The following RTL4 variants were observed in gnomAD, a reference collection of about 807,000 sequenced individuals.
RTL4 encodes the protein retrotransposon Gag-like protein 4.
In RTL4, 4 loss-of-function variants were observed where a neutral mutation model predicts 5.3. That is an observed-to-expected ratio of 0.75 (90% CI 0.37 to 1.72). RTL4 has a LOEUF of 1.72. RTL4 is among the 40% of genes most tolerant of loss of function. The probability of loss-of-function intolerance (pLI) is 0.04; values close to 1 mark genes in which losing one functional copy is unlikely to be tolerated. For missense variants in RTL4, 260 were observed against 227.1 expected (o/e 1.14, Z -0.93); for synonymous variants, 98 against 87.3 (o/e 1.12, Z -0.68).
At chrX:112,170,223 G>T in the RTL4 span, among the ~76,000 whole-genome samples, 10 of 112,227 alleles carry the variant, frequency 8.9e-5, no homozygotes, top group African/African-American at 3.2e-4. Context: ...TTGTGTTTAA[G>T]ATTGTCTTGG....
the RTL4 span, among the ~76,000 whole-genome samples, chrX:112,113,677 T>C: frequency 8.9e-6 from 1 of 111,745 alleles, no homozygotes; most frequent in Admixed American, 9.5e-5. Flanking sequence ...CAGAGAACCT[T>C]TGTCTTCTGG....
At chrX:112,187,648 G>A in the RTL4 span, among the ~76,000 whole-genome samples, 1 of 111,574 alleles carries the variant, frequency 9.0e-6, no homozygotes, top group East Asian at 2.8e-4. Context: ...CCATGCATGG[G>A]GCATAGTAAC....
the RTL4 span, among the ~76,000 whole-genome samples, chrX:112,337,714 G>A: frequency 9.0e-6 from 1 of 111,305 alleles, no homozygotes; most frequent in Admixed American, 9.6e-5. Flanking sequence ...TATTCAGTTT[G>A]TTCTGCCTTA....
the RTL4 span, among the ~76,000 whole-genome samples, chrX:112,165,637 CT>C: frequency 1.8e-5 from 2 of 111,789 alleles, no homozygotes; most frequent in East Asian, 5.7e-4. Context: ...ATATTTTTGA[CT>C]CTAATATATT....
At chrX:112,168,546 A>T in the RTL4 span, among the ~76,000 whole-genome samples, 1 of 111,530 alleles carries the variant, frequency 9.0e-6, no homozygotes, top group Non-Finnish European at 1.9e-5. Context: ...AACCCACCAA[A>T]ACCAAGATGG....
At chrX:112,333,920 T>C in the RTL4 span, among the ~76,000 whole-genome samples, 1 of 110,120 alleles carries the variant, frequency 9.1e-6, no homozygotes, top group Non-Finnish European at 1.9e-5. Flanking sequence ...TTGTACCCAT[T>C]AACCATCCCC....
chrX:112,234,516 C>T, the RTL4 span, among the ~76,000 whole-genome samples: 2 of 111,675 alleles, frequency 1.8e-5, no homozygotes, highest in African/African-American at 6.5e-5. Context: ...CTAGGAGCCC[C>T]TGGCTTTGGG....
chrX:112,159,218 CAG>C, the RTL4 span, among the ~76,000 whole-genome samples: 2 of 112,243 alleles, frequency 1.8e-5, no homozygotes, highest in Non-Finnish European at 3.8e-5. Flanking sequence ...ATTTTGAAAA[CAG>C]AGGTATAAAG....
the RTL4 span, among the ~76,000 whole-genome samples, chrX:112,362,272 A>G: frequency 8.9e-6 from 1 of 111,906 alleles, no homozygotes; most frequent in Non-Finnish European, 1.9e-5. Flanking sequence ...ATGAACAAGA[A>G]AGGTGTGTTT....
At chrX:112,278,341 A>G in the RTL4 span, among the ~76,000 whole-genome samples, 1 of 112,281 alleles carries the variant, frequency 8.9e-6, no homozygotes, top group Non-Finnish European at 1.9e-5. Flanking sequence ...TTTCTAAAAC[A>G]TTGGCAGTCA....
chrX:112,438,094 G>T, the RTL4 span, among the ~76,000 whole-genome samples: 2,035 of 111,176 alleles, frequency 0.018, 42 homozygotes, highest in Non-Finnish European at 0.028. Context: ...ACCAACATTT[G>T]TTTTCTCACA....
At chrX:112,220,812 G>T in the RTL4 span, among the ~76,000 whole-genome samples, 27 of 111,680 alleles carry the variant, frequency 2.4e-4, no homozygotes, top group African/African-American at 8.4e-4. Context: ...ATCTGAGATC[G>T]CCTCAGCCTA....
chrX:112,125,204 T>C, the RTL4 span, among the ~76,000 whole-genome samples: 6 of 111,188 alleles, frequency 5.4e-5, no homozygotes, highest in African/African-American at 2.0e-4. Context: ...TAAGATTTCT[T>C]AATCCAAAAT....
the RTL4 span, among the ~76,000 whole-genome samples, chrX:112,324,710 G>T: frequency 2.6e-4 from 29 of 111,206 alleles, no homozygotes; most frequent in Non-Finnish European, 4.7e-4. Flanking sequence ...CTCGTGATCA[G>T]AAAATATACT....
the RTL4 span, among the ~76,000 whole-genome samples, chrX:112,305,349 T>TTA: frequency 9.3e-6 from 1 of 107,003 alleles, no homozygotes; most frequent in African/African-American, 3.4e-5. Flanking sequence ...TTATTTTATT[T>TTA]TATTTTATTT....
chrX:112,265,423 G>A, the RTL4 span, among the ~76,000 whole-genome samples: 1 of 111,587 alleles, frequency 9.0e-6, no homozygotes, highest in Admixed American at 9.5e-5. Context: ...GACAGAAGGG[G>A]GCTTTAATTT....
chrX:112,161,194 A>C, the RTL4 span, among the ~76,000 whole-genome samples: 1 of 111,833 alleles, frequency 8.9e-6, no homozygotes, highest in Non-Finnish European at 1.9e-5. Flanking sequence ...ATCAAAAATA[A>C]TATTAATAAG....
the RTL4 span, among the ~76,000 whole-genome samples, chrX:112,442,589 T>C: frequency 9.0e-6 from 1 of 110,811 alleles, no homozygotes; most frequent in African/African-American, 3.3e-5. Flanking sequence ...TTATTGTATG[T>C]AAAGTATACC....
At chrX:112,282,719 C>T in the RTL4 span, among the ~76,000 whole-genome samples, 3 of 111,415 alleles carry the variant, frequency 2.7e-5, no homozygotes, top group Admixed American at 9.6e-5. Context: ...TCCTTGGATA[C>T]ATTTATTCAT....
Sources: allele counts gnomAD v4.1 joint callset (sites outside exome capture counted in the v4.1 genomes callset), GRCh38; gene constraint gnomAD v4.1.1; transcripts MANE v1.5; gene names NCBI Gene and HGNC (gene_info 2026-07-23, HGNC 2026-07-21).